Variants in PCCA observed in about 807,000 individuals in gnomAD.
PCCA encodes propionyl-CoA carboxylase alpha chain, mitochondrial.
A neutral mutation model predicts 101.3 loss-of-function variants in PCCA; 74 were observed. The observed-to-expected ratio is 0.73, with a 90% CI of 0.61 to 0.89. The LOEUF is 0.89. Among genes scored for constraint, PCCA ranks in the 40% least tolerant of loss-of-function variants. The pLI, the probability that PCCA is intolerant of heterozygous loss-of-function variation, is 0.00. For synonymous variants in PCCA, 294 were observed against 313.6 expected, an observed-to-expected ratio of 0.94 and a Z score of 0.66; for missense variants, 891 against 907.0, an observed-to-expected ratio of 0.98 and a Z score of 0.23.
intron 8 of PCCA, among the ~76,000 whole-genome samples, chr13:100,241,981 C>A (rs2061166903): frequency 6.6e-6 from 1 of 152,078 alleles, no homozygotes; most frequent in African/African-American, 2.4e-5. Context: ...TGGTGGCTGT[C>A]CCATTTTACA....
chr13:100,422,090 C>CTTTA (rs2078828827), intron 19 of PCCA, among the ~76,000 whole-genome samples: 1 of 129,338 alleles, frequency 7.7e-6, no homozygotes, highest in African/African-American at 3.3e-5. Flanking sequence ...TTCTTTCTTT[C>CTTTA]TTTCTTTCTT....
intron 8 of PCCA, chr13:100,236,914 T>C (rs2152523717): frequency 6.6e-6 from 1 of 152,372 alleles, no homozygotes; most frequent in African/African-American, 2.4e-5. Context: ...AGTAATTGTA[T>C]ACATTTGACA....
intron 20 of PCCA, among the ~76,000 whole-genome samples, chr13:100,437,652 CTT>C (rs1355293250): frequency 6.7e-6 from 1 of 150,046 alleles, no homozygotes; most frequent in Non-Finnish European, 1.5e-5. Flanking sequence ...TTTAAAATTT[CTT>C]TGTTTTAATT....
At chr13:100,220,538 T>C (rs1215543531) in intron 7 of PCCA, among the ~76,000 whole-genome samples, 4 of 152,074 alleles carry the variant, frequency 2.6e-5, no homozygotes, top group African/African-American at 9.7e-5. Flanking sequence ...CCCAAAGTGT[T>C]GGGATTACAG....
intron 4 of PCCA, among the ~76,000 whole-genome samples, chr13:100,148,240 T>G (rs554817886): frequency 6.6e-6 from 1 of 152,252 alleles, no homozygotes; most frequent in South Asian, 2.1e-4. Context: ...TTACTCTGAA[T>G]TATGTCATAT....
At chr13:100,147,271 T>C (rs992892298) in intron 4 of PCCA, among the ~76,000 whole-genome samples, 8 of 152,174 alleles carry the variant, frequency 5.3e-5, no homozygotes, top group Non-Finnish European at 7.3e-5. Context: ...GCTTTTTTTC[T>C]TTTTAACCAA....
chr13:100,204,480 T>C lies in PCCA; in HGVS notation c.469-4852T>C, dbSNP rs57717325. Reference sequence around the variant, plus strand: ...TCTTCTGACCCTGGTTTTGTAGTTATCCAAGTAGCAACTCTTGGTAAGCCT... The same window carrying C: ...TCTTCTGACCCTGGTTTTGTAGTTACCCAAGTAGCAACTCTTGGTAAGCCT... On this transcript the variant is annotated intron_variant, in intron 6 of 23. Coordinates refer to ENST00000376285, the MANE Select transcript of PCCA (RefSeq NM_000282.4). Among the ~76,000 whole-genome samples the C allele has an allele frequency of 7.6e-3, 1,158 of 152,306 alleles. 14 individuals carry two copies. The highest frequency in any genetic ancestry group is 0.025 in the African/African-American group (1,054 of 41,570).
At chr13:100,126,688 A>C (rs900253584) in intron 4 of PCCA, among the ~76,000 whole-genome samples, 1 of 152,202 alleles carries the variant, frequency 6.6e-6, no homozygotes, top group Non-Finnish European at 1.5e-5. Context: ...TGGAACTAAT[A>C]AATTGAATTC....
intron 18 of PCCA, among the ~76,000 whole-genome samples, chr13:100,341,997 GTATATATATGTATTTTTA>G (rs2071437741): frequency 3.0e-5 from 4 of 133,898 alleles, no homozygotes; most frequent in African/African-American, 1.3e-4. Context: ...TTATGTGTGT[GTATATATATGTATTTTTA>G]TATACATACA....
At chr13:100,365,197 G>A (rs148950008) in intron 18 of PCCA, among the ~76,000 whole-genome samples, 17 of 152,272 alleles carry the variant, frequency 1.1e-4, no homozygotes, top group African/African-American at 3.9e-4. Flanking sequence ...AAGTTCTCAG[G>A]TACATTGCTA....
intron 9 of PCCA, among the ~76,000 whole-genome samples, chr13:100,258,545 G>A (rs1236680114): frequency 6.6e-6 from 1 of 152,022 alleles, no homozygotes; most frequent in African/African-American, 2.4e-5. Context: ...TTCACTGAAC[G>A]CTTAGCGCTT....
At chr13:100,179,412 G>A (rs2056566046) in intron 6 of PCCA, among the ~76,000 whole-genome samples, 1 of 152,162 alleles carries the variant, frequency 6.6e-6, no homozygotes, top group Non-Finnish European at 1.5e-5. Flanking sequence ...GTATTGAATT[G>A]GGGTAATAAT....
chr13:100,201,726 G>A (rs1480099252), intron 6 of PCCA, among the ~76,000 whole-genome samples: 3 of 151,686 alleles, frequency 2.0e-5, no homozygotes, highest in African/African-American at 4.8e-5. Flanking sequence ...GCGTGGTGGT[G>A]CATGCCTGTA....
chr13:100,210,020 T>C (rs2059112348), intron 7 of PCCA, among the ~76,000 whole-genome samples: 1 of 151,990 alleles, frequency 6.6e-6, no homozygotes, highest in Non-Finnish European at 1.5e-5. Context: ...AGTGGTGCAG[T>C]CATAGCTCAC....
intron 20 of PCCA, among the ~76,000 whole-genome samples, chr13:100,440,126 G>A (rs185549641): frequency 7.4e-6 from 1 of 135,324 alleles, no homozygotes; most frequent in African/African-American, 2.6e-5. Flanking sequence ...AGATTAAATG[G>A]ATTAGTTGTG....
At chr13:100,526,424 A>G (rs2087822190) in intron 22 of PCCA, among the ~76,000 whole-genome samples, 1 of 152,250 alleles carries the variant, frequency 6.6e-6, no homozygotes, top group South Asian at 2.1e-4. Context: ...TGCCAGGAAG[A>G]AGCAGCCCAC....
At chr13:100,263,667 GA>G (rs1857304607) in intron 10 of PCCA, among the ~76,000 whole-genome samples, 2 of 152,040 alleles carry the variant, frequency 1.3e-5, no homozygotes, top group Non-Finnish European at 2.9e-5. Context: ...TAATCAGTTG[GA>G]TGTTTTACAA....
intron 21 of PCCA, among the ~76,000 whole-genome samples, chr13:100,487,793 T>A (rs979784337): frequency 2.6e-5 from 4 of 151,844 alleles, no homozygotes; most frequent in Non-Finnish European, 5.9e-5. Context: ...GGCAGGATCA[T>A]AGCTCACTAC....
chr13:100,513,582 T>A (rs192931267), intron 21 of PCCA, among the ~76,000 whole-genome samples: 5 of 152,350 alleles, frequency 3.3e-5, no homozygotes, highest in African/African-American at 4.8e-5. Context: ...AATACAGTCT[T>A]AGCGCTTCGT....
Sources: allele counts gnomAD v4.1 joint callset (sites outside exome capture counted in the v4.1 genomes callset), GRCh38; gene constraint gnomAD v4.1.1; transcripts MANE v1.5; gene names NCBI Gene and HGNC (gene_info 2026-07-23, HGNC 2026-07-21).